PRKCA: variants seen among roughly 807,000 people sequenced by gnomAD.
PRKCA encodes protein kinase C alpha, also known as protein kinase C alpha type.
Under a neutral mutation model 87.0 loss-of-function variants are expected in PRKCA, and 27 were observed. The ratio of observed to expected loss-of-function variants is 0.31; its 90% CI spans 0.23 to 0.43. The LOEUF is 0.43. PRKCA is among the 20% of genes least tolerant of loss of function. The pLI is 1.00. For missense variants in PRKCA, 518 were observed against 852.3 expected (o/e 0.61, Z 4.88); for synonymous variants, 329 against 311.1 (o/e 1.06, Z -0.61).
At chr17:66,454,358 A>G (rs3848428) in intron 2 of PRKCA, among the ~76,000 whole-genome samples, 57,852 of 152,002 alleles carry the variant, frequency 0.38, 11,334 homozygotes, top group African/African-American at 0.48. Context: ...AGGTAACAGC[A>G]AAGACCATGG....
intron 3 of PRKCA, among the ~76,000 whole-genome samples, chr17:66,609,566 A>G (rs1444558343): frequency 6.6e-6 from 1 of 152,170 alleles, no homozygotes; most frequent in African/African-American, 2.4e-5. Context: ...TCATGTAAAT[A>G]TATCTTATTG....
chr17:66,577,019 C>T (rs1192966725), intron 3 of PRKCA, among the ~76,000 whole-genome samples: 6 of 151,900 alleles, frequency 3.9e-5, no homozygotes, highest in Admixed American at 6.6e-5. Context: ...GCACTGCAGA[C>T]GATGCACCAC....
intron 5 of PRKCA, among the ~76,000 whole-genome samples, chr17:66,661,565 C>T (rs566211868): frequency 5.9e-5 from 9 of 152,290 alleles, no homozygotes; most frequent in East Asian, 1.9e-4. Flanking sequence ...CTTTTGAACA[C>T]GTCAACCTGC....
At chr17:66,627,302 T>A (rs1192749996) in intron 3 of PRKCA, among the ~76,000 whole-genome samples, 2 of 151,426 alleles carry the variant, frequency 1.3e-5, no homozygotes. Context: ...TCCTGGGGCG[T>A]GGGGGTTGGG....
At chr17:66,654,886 G>T (rs1396839293) in intron 5 of PRKCA, among the ~76,000 whole-genome samples, 1 of 152,244 alleles carries the variant, frequency 6.6e-6, no homozygotes, top group Non-Finnish European at 1.5e-5. Flanking sequence ...GCCGCTACAG[G>T]ACGTGTTTTG....
In PRKCA at chr17:66,409,322, G is replaced by A. The variant is rs1056753793; in HGVS notation, c.206-86879G>A. The stretch of plus-strand genomic sequence containing the variant: ...CCTTAGGGGGTACCATGTCTAACTT[G>A]TGCCTTCTCTATTTTTGCATACAAG... On this transcript the variant is annotated intron_variant, in intron 2 of 16. Transcript: ENST00000413366. Among the ~76,000 whole-genome samples, 4 of 152,128 alleles carry A rather than the reference G, an allele frequency of 2.6e-5. No individual in the cohort carries two copies. The East Asian group carries it at 5.8e-4, about 22-fold the overall frequency.
chr17:66,442,957 G>A (rs1439493532), intron 2 of PRKCA, among the ~76,000 whole-genome samples: 1 of 152,194 alleles, frequency 6.6e-6, no homozygotes, highest in African/African-American at 2.4e-5. Flanking sequence ...TGCCATTGTT[G>A]ACCTGAACAC....
intron 2 of PRKCA, among the ~76,000 whole-genome samples, chr17:66,446,431 G>T (rs189150116): frequency 1.3e-5 from 2 of 152,300 alleles, no homozygotes; most frequent in Non-Finnish European, 2.9e-5. Flanking sequence ...CCTTGCTCAA[G>T]AAATATGCCA....
At chr17:66,304,508 G>T (rs530640618) in intron 1 of PRKCA, among the ~76,000 whole-genome samples, 1 of 152,264 alleles carries the variant, frequency 6.6e-6, no homozygotes, top group East Asian at 1.9e-4. Flanking sequence ...AGGCCAGGGG[G>T]AGCTGCACAG....
At chr17:66,546,506 T>C (rs1968149458) in intron 3 of PRKCA, among the ~76,000 whole-genome samples, 2 of 152,240 alleles carry the variant, frequency 1.3e-5, no homozygotes, top group African/African-American at 4.8e-5. Flanking sequence ...TAGTTGCCGC[T>C]AATCCTCTAT....
At chr17:66,550,974 G>A (rs1046300675) in intron 3 of PRKCA, among the ~76,000 whole-genome samples, 2 of 152,172 alleles carry the variant, frequency 1.3e-5, no homozygotes, top group Admixed American at 6.5e-5. Flanking sequence ...TTACATGGGC[G>A]TTTACATCAA....
chr17:66,538,625 A>AT (rs1967872169), intron 3 of PRKCA, among the ~76,000 whole-genome samples: 1 of 152,216 alleles, frequency 6.6e-6, no homozygotes, highest in Non-Finnish European at 1.5e-5. Context: ...GAATTAAGTA[A>AT]TGAGTAGACC....
At chr17:66,444,227 A>G (rs529068106) in intron 2 of PRKCA, among the ~76,000 whole-genome samples, 1 of 152,188 alleles carries the variant, frequency 6.6e-6, no homozygotes, top group South Asian at 2.1e-4. Context: ...CTGGCTCTAC[A>G]GGTTCTGAAT....
At chr17:66,505,927 TA>T (rs1916955665) in intron 3 of PRKCA, among the ~76,000 whole-genome samples, 1 of 152,164 alleles carries the variant, frequency 6.6e-6, no homozygotes, top group South Asian at 2.1e-4. Context: ...CTCCTGGACA[TA>T]AGTGATCCTC....
At chr17:66,740,154 G>C (rs1974125603) in intron 11 of PRKCA, among the ~76,000 whole-genome samples, 2 of 9,290 alleles carry the variant, frequency 2.2e-4, no homozygotes, top group Non-Finnish European at 4.2e-4. Flanking sequence ...GGTGGTTTGA[G>C]GGGGGAGATT....
At chr17:66,725,743 GA>G (rs1166805616) in intron 8 of PRKCA, among the ~76,000 whole-genome samples, 3 of 151,726 alleles carry the variant, frequency 2.0e-5, no homozygotes, top group Non-Finnish European at 4.4e-5. Context: ...TCAGGAGGTT[GA>G]GGTTGCAGTG....
chr17:66,666,459 C>G (rs1436038899), intron 5 of PRKCA, among the ~76,000 whole-genome samples: 1 of 152,320 alleles, frequency 6.6e-6, no homozygotes, highest in African/African-American at 2.4e-5. Flanking sequence ...CATATTCATA[C>G]TGGACACAAG....
rs1974969404 is a variant in PRKCA at position 66,772,827 on chromosome 17, G to A, written c.1525-1160G>A. ...GGACCCATCACCAATTTCAACAGCT[G>A]CCAGCATTTGCCAACTCATTTCATT... On this transcript the variant is annotated intron_variant, in intron 13 of 16. Transcript: ENST00000413366. 2.0e-5 allele frequency among the ~76,000 whole-genome samples: 3 copies of A among 152,030 alleles called. No homozygotes were observed. The South Asian group carries it at 6.2e-4, about 32-fold the overall frequency.
chr17:66,729,928 T>A (rs1744974379), intron 8 of PRKCA, among the ~76,000 whole-genome samples: 1 of 151,862 alleles, frequency 6.6e-6, no homozygotes, highest in African/African-American at 2.4e-5. Flanking sequence ...GTAGCTGGGA[T>A]TATAGGCATG....
Sources: gnomAD v4.1 joint callset for allele counts (sites outside exome capture counted in the v4.1 genomes callset) on GRCh38, gnomAD v4.1.1 for gene constraint, MANE v1.5 for transcripts, NCBI Gene and HGNC (gene_info 2026-07-23, HGNC 2026-07-21) for gene names.